The following LMBR1L variants were observed in gnomAD, a reference collection of about 807,000 sequenced individuals.
The protein encoded by LMBR1L is protein LMBR1L.
LMBR1L carries 47 observed loss-of-function variants against 67.3 expected under a neutral mutation model. The ratio of observed to expected loss-of-function variants is 0.70; its 90% confidence interval spans 0.55 to 0.89. The LOEUF (loss-of-function observed/expected upper bound fraction) is 0.89. Among genes scored for constraint, LMBR1L ranks in the 40% least tolerant of loss-of-function variants. The probability of loss-of-function intolerance (pLI) is 0.00; values close to 1 mark genes in which losing one functional copy is unlikely to be tolerated. For missense variants in LMBR1L, 533 were observed against 599.2 expected (o/e 0.89, Z 1.15); for synonymous variants, 247 against 250.3 (o/e 0.99, Z 0.13).
chr12:49,105,812 A>T, intron 3 of LMBR1L, 112 bp downstream of exon 3: 1 of 847,060 alleles, frequency 1.2e-6, no homozygotes. Context: ...GTGGAAACAG[A>T]AACTCTCTCT....
intron 11 of LMBR1L, 140 bp from the exon 12 acceptor site, chr12:49,101,689 A>G (rs1173776845): frequency 1.6e-6 from 1 of 632,398 alleles, no homozygotes; most frequent in Non-Finnish European, 2.8e-6. Flanking sequence ...GGACCTCATC[A>G]AGGCTGCTAT....
chr12:49,105,672 G>A lies in LMBR1L; in HGVS notation c.191+252C>T, dbSNP rs185411917. 3.9e-3 allele frequency among the ~76,000 whole-genome samples: 596 copies of A among 152,248 alleles called. 2 individuals carry two copies. The highest frequency in any genetic ancestry group is 6.1e-3 in the Non-Finnish European group (412 of 68,026). ...GTGAAGCCAAGCTGGAGCCATTTCC[G>A]GTGACTCAGGCCCCAGCGGACGTTC... On this transcript the variant is annotated intron_variant, in intron 3 of 16. Transcript: ENST00000267102.
rs1322352283 is a variant in LMBR1L, at chr12:49,104,514, G to A, written c.369C>T (p.Ser123=). 1 of 1,614,042 alleles carries A rather than the reference G, an allele frequency of 6.2e-7. No homozygotes were observed. Among genetic ancestry groups the A allele is most frequent in the Non-Finnish European group, 8.5e-7 (1 of 1,179,962 alleles). The change falls in exon 5 of 17, where the codon TCC becomes TCT. Residue 123 remains serine (S), a synonymous_variant. Transcript: ENST00000267102. The part of the protein sequence containing the change: ...WNLVFLFSNL[S]LIFLMPFAYF... Reference sequence around the variant, plus strand: ...ATGCAAAGGGCATGAGGAAGATGAGGGACAGGTTGGAGAAGAGAAAAACAA... The same window carrying A: ...ATGCAAAGGGCATGAGGAAGATGAGAGACAGGTTGGAGAAGAGAAAAACAA...
In LMBR1L at chr12:49,101,309, G is replaced by A. The variant is rs1940146115; in HGVS notation, c.1023C>T (p.Gly341=). The A allele has an allele frequency of 1.2e-6, 2 of 1,614,174 alleles. No individual in the cohort carries two copies. Among genetic ancestry groups the A allele is most frequent in the Non-Finnish European group, 1.7e-6 (2 of 1,180,010 alleles). The change falls in exon 13 of 17, where the codon GGC becomes GGT. Residue 341 remains glycine (G), a synonymous_variant. Transcript: ENST00000267102. ...MPRGMQGTSL[G]QVSFSKLGSF... is the part of the protein sequence containing the mutation. ...AGCCCAGCTTGGAGAAGGAGACCTG[G>A]CCTAAGGAGGTACCCTGAGGAGTGG... is the stretch of plus-strand genomic sequence containing the variant.
rs1174200497 is a variant in LMBR1L at position 49,104,435 on chromosome 12, A to ATC, written c.435+11_435+12dup. On this transcript the variant is annotated intron_variant, in intron 5 of 16. Transcript: ENST00000267102. ...AATTCCGTTTCCTGCCTGGATACATATCCCCTACTTACCTTTCTGGAGCCA... is the reference window on the plus strand; with the variant it reads ...AATTCCGTTTCCTGCCTGGATACATATCTCCCCTACTTACCTTTCTGGAGCCA... 1 of 1,552,550 alleles carries ATC rather than the reference A, an allele frequency of 6.4e-7. No individual in the cohort carries two copies. The highest frequency in any genetic ancestry group is 1.1e-5 in the South Asian group (1 of 89,628).
chr12:49,105,029 G>C, intron 3 of LMBR1L, 144 bp from the exon 4 acceptor site: 1 of 921,134 alleles, frequency 1.1e-6, no homozygotes, highest in Non-Finnish European at 1.6e-6. Context: ...TGTCCAGCTG[G>C]GGTTCTACCC....
chr12:49,105,929 C>G lies in LMBR1L; in HGVS notation c.186G>C (p.Lys62Asn). 1 of 1,612,924 alleles carries G rather than the reference C, an allele frequency of 6.2e-7. No individual in the cohort carries two copies. ...GCTGAGGCAGGGACACTTACGCAAT[C>G]TTGTTGACGGTGGCATCTTCATCAT... ...TVDDEDATVN[K>N]IALELCTFTL... The change falls in exon 3 of 17, where the codon AAG (lysine) becomes AAC (asparagine). Residue 62 changes from lysine (K) to asparagine (N), a missense_variant. Coordinates refer to ENST00000267102, the MANE Select transcript of LMBR1L (RefSeq NM_018113.4).
chr12:49,106,009 T>G, intron 2 of LMBR1L, 52 bp from the exon 3 acceptor site: 1 of 1,509,110 alleles, frequency 6.6e-7, no homozygotes, highest in Non-Finnish European at 9.2e-7. Flanking sequence ...AGGGGGCAGC[T>G]CTGAGGCCGT....
chr12:49,101,866 A>G, intron 11 of LMBR1L: 1 of 581,930 alleles, frequency 1.7e-6, no homozygotes, highest in Non-Finnish European at 3.0e-6. Flanking sequence ...TTTTAATGCC[A>G]GGGCAAACCT....
rs1367516208 is a variant in LMBR1L, at chr12:49,097,249, CA to C, written c.*422del. On this transcript the variant is annotated 3_prime_UTR_variant, in exon 17 of 17. Coordinates refer to ENST00000267102, the MANE Select transcript of LMBR1L (RefSeq NM_018113.4). ...GGTCCAAAGCCCCTCCAGGATAGCA[CA>C]GTGCTTAGGCTCTGCTGGGCCAGAG... The C allele has an allele frequency of 1.6e-5, 3 of 187,238 alleles. No individual in the cohort carries two copies. The highest frequency in any genetic ancestry group is 6.9e-5 in the African/African-American group (3 of 43,238). 11.6% of individuals were successfully genotyped at this position (187,238 alleles called of 1,614,324 possible).
rs1230462080 is a variant in LMBR1L at position 49,107,047 on chromosome 12, T to C, written c.73-2A>G. 1.2e-6 allele frequency: 2 copies of C among 1,606,748 alleles called. No individual in the cohort carries two copies. The highest frequency in any genetic ancestry group is 1.7e-6 in the Non-Finnish European group (2 of 1,173,222). ...TGTTGCAAACAGAAGTGTTGATATCTGTAGCAGAATATGAGCTGGGATGAG... is the reference window on the plus strand; with the variant it reads ...TGTTGCAAACAGAAGTGTTGATATCCGTAGCAGAATATGAGCTGGGATGAG... On this transcript the variant is annotated splice_acceptor_variant, in intron 1 of 16. Coordinates refer to ENST00000267102, the MANE Select transcript of LMBR1L (RefSeq NM_018113.4). LOFTEE classifies it high-confidence loss of function.
chr12:49,105,955 C>T lies in LMBR1L; in HGVS notation c.160G>A (p.Asp54Asn). 1.2e-6 allele frequency: 2 copies of T among 1,613,104 alleles called. No individual in the cohort carries two copies. Among genetic ancestry groups the T allele is most frequent in the South Asian group, 1.1e-5 (1 of 90,930 alleles). The part of the protein sequence containing the change: ...FKKPAEFTTV[D>N]DEDATVNKIA... ...TTGTTGACGGTGGCATCTTCATCATCCACTGTAAGAGACAGAGGCACGGGG... is the reference window on the plus strand; with the variant it reads ...TTGTTGACGGTGGCATCTTCATCATTCACTGTAAGAGACAGAGGCACGGGG... The change falls in exon 3 of 17, where the codon GAT becomes AAT. Residue 54 changes from aspartate (D) to asparagine (N), a missense_variant and splice_region_variant. By Grantham distance (23) the Asp-to-Asn change is conservative (BLOSUM62 1). Around this residue, in one of 3 missense-constraint regions of LMBR1L, gnomAD observed 246 missense variants for 249.0 expected, o/e 0.99. Coordinates refer to ENST00000267102, the MANE Select transcript of LMBR1L (RefSeq NM_018113.4).
chr12:49,101,416 T>C (rs1370153134), intron 12 of LMBR1L, 56 bp downstream of exon 12: 1 of 1,605,640 alleles, frequency 6.2e-7, no homozygotes, highest in Admixed American at 1.7e-5. Flanking sequence ...CTGCCTCCTC[T>C]CCCCAGCTGT....
intron 4 of LMBR1L, 74 bp downstream of exon 4, chr12:49,104,672 T>A: frequency 6.3e-7 from 1 of 1,599,254 alleles, no homozygotes. Flanking sequence ...GGCGCACGGC[T>A]GCCTGAGTCC....
chr12:49,104,427 G>A, intron 5 of LMBR1L, 21 bp downstream of exon 5: 1 of 1,496,822 alleles, frequency 6.7e-7, no homozygotes, highest in South Asian at 1.1e-5. Flanking sequence ...TTTCCTGCCT[G>A]GATACATATC....
rs746605465 is a variant in LMBR1L at position 49,110,608 on chromosome 12, G to C, written c.-53C>G. ...GTGCCTCTGGGCCCGGGGAGGACGA[G>C]CGGGGAGGAAGCCGCCGCCGCCAAG... On this transcript the variant is annotated 5_prime_UTR_variant, in exon 1 of 17. Transcript: ENST00000267102. The C allele has an allele frequency of 6.4e-7, 1 of 1,556,382 alleles. No individual in the cohort carries two copies. The highest frequency in any genetic ancestry group is 8.9e-7 in the Non-Finnish European group (1 of 1,128,690).
chr12:49,103,907 G>A (rs1940553264), intron 5 of LMBR1L, 94 bp from the exon 6 acceptor site: 1 of 1,343,934 alleles, frequency 7.4e-7, no homozygotes, highest in African/African-American at 1.5e-5. Context: ...AGAAAGGTTT[G>A]GATTCAGGAG....
At chr12:49,101,064 C>T (rs1940106250) in intron 13 of LMBR1L, 186 bp downstream of exon 13, 2 of 1,301,998 alleles carry the variant, frequency 1.5e-6, no homozygotes, top group Non-Finnish European at 2.0e-6. Flanking sequence ...TCTACTGAAC[C>T]ACCAGCCCTC....
intron 1 of LMBR1L, among the ~76,000 whole-genome samples, chr12:49,108,130 G>T (rs1339514264): frequency 6.6e-6 from 1 of 152,166 alleles, no homozygotes; most frequent in African/African-American, 2.4e-5. Flanking sequence ...GGGTGTGGTG[G>T]TGCATACCTG....
Sources: allele counts gnomAD v4.1 joint callset (sites outside exome capture counted in the v4.1 genomes callset), GRCh38; gene constraint gnomAD v4.1.1; regional missense constraint gnomAD v4.1.1; transcripts MANE v1.5; gene names NCBI Gene and HGNC (gene_info 2026-07-23, HGNC 2026-07-21).